ELL: variants seen among roughly 807,000 people sequenced by gnomAD.
ELL encodes the protein elongation factor for RNA polymerase II.
In ELL, 18 loss-of-function variants were observed where a neutral mutation model predicts 64.0. The ratio of observed to expected loss-of-function variants is 0.28; its 90% CI spans 0.19 to 0.42. The LOEUF (loss-of-function observed/expected upper bound fraction) is 0.42, where lower values mean the gene tolerates loss of function less well. Among genes scored for constraint, ELL ranks in the 10% least tolerant of loss-of-function variants. The pLI is 1.00. For missense variants in ELL, 797 were observed against 870.4 expected (o/e 0.92, Z 1.06); for synonymous variants, 399 against 376.2 (o/e 1.06, Z -0.70).
intron 1 of ELL, among the ~76,000 whole-genome samples, chr19:18,502,871 C>A (rs966184297): frequency 7.9e-5 from 12 of 152,234 alleles, no homozygotes; most frequent in African/African-American, 2.9e-4. Flanking sequence ...TCTTGGGAAA[C>A]CACGGGGCCA....
At chr19:18,500,390 G>T (rs542434347) in intron 1 of ELL, among the ~76,000 whole-genome samples, 18 of 152,286 alleles carry the variant, frequency 1.2e-4, no homozygotes, top group Admixed American at 9.2e-4. Context: ...CCACTGGGCT[G>T]TACCAAGTGC....
chr19:18,493,935 T>C (rs1158780710), intron 1 of ELL, among the ~76,000 whole-genome samples: 1 of 151,912 alleles, frequency 6.6e-6, no homozygotes, highest in Non-Finnish European at 1.5e-5. Context: ...GTAAAGTGAG[T>C]TCATGGCCTC....
chr19:18,507,332 G>A (rs1975902964), intron 1 of ELL, among the ~76,000 whole-genome samples: 2 of 152,252 alleles, frequency 1.3e-5, no homozygotes, highest in Admixed American at 1.3e-4. Flanking sequence ...AGTGAAAACA[G>A]GCCAAGTCTG....
chr19:18,517,447 C>T (rs768137589), intron 1 of ELL, among the ~76,000 whole-genome samples: 2 of 151,948 alleles, frequency 1.3e-5, no homozygotes, highest in Non-Finnish European at 2.9e-5. Context: ...GACAGGTTTT[C>T]ACCATATTGT....
chr19:18,457,458 C>T (rs533826730), intron 6 of ELL, among the ~76,000 whole-genome samples: 1 of 152,210 alleles, frequency 6.6e-6, no homozygotes, highest in African/African-American at 2.4e-5. Context: ...CAGGCACTAC[C>T]CTCTCAGGGG....
rs76784695 is a variant in ELL at position 18,500,556 on chromosome 19, G to A, written c.135+21365C>T. Among the ~76,000 whole-genome samples, 624 of 152,332 alleles carry A rather than the reference G, an allele frequency of 4.1e-3. 6 individuals carry two copies. Among genetic ancestry groups the A allele is most frequent in the African/African-American group, 0.014 (578 of 41,578 alleles). On this transcript the variant is annotated intron_variant, in intron 1 of 11. Transcript: ENST00000262809. ...AGTCCATTCTCACAAAAGGAGAGAC[G>A]GGAACTGGGAGGTTCCCTCAAGGAA...
intron 1 of ELL, among the ~76,000 whole-genome samples, chr19:18,477,268 C>T (rs1253093023): frequency 6.6e-6 from 1 of 152,104 alleles, no homozygotes; most frequent in African/African-American, 2.4e-5. Flanking sequence ...AAAAGGGCAG[C>T]GAACTTGAAG....
At chr19:18,447,054 G>A (rs904067768) in intron 8 of ELL, among the ~76,000 whole-genome samples, 2 of 152,210 alleles carry the variant, frequency 1.3e-5, no homozygotes, top group African/African-American at 2.4e-5. Context: ...GTGCACCTGC[G>A]TGTCCAGGGC....
chr19:18,497,815 C>CAAAAA (rs58521941), intron 1 of ELL, among the ~76,000 whole-genome samples: 6 of 54,212 alleles, frequency 1.1e-4, no homozygotes, highest in South Asian at 8.6e-4. Flanking sequence ...GATCTCATCT[C>CAAAAA]AAAAAAAAAA....
intron 5 of ELL, among the ~76,000 whole-genome samples, chr19:18,460,892 T>A (rs914329898): frequency 6.6e-6 from 1 of 152,172 alleles, no homozygotes; most frequent in Non-Finnish European, 1.5e-5. Context: ...GCCTGGCTAA[T>A]GTTCTGAAGC....
chr19:18,451,523 G>A, intron 7 of ELL, 29 bp downstream of exon 7: 5 of 1,457,586 alleles, frequency 3.4e-6, no homozygotes, highest in Non-Finnish European at 4.5e-6. Flanking sequence ...AGGTGCTTGG[G>A]ACAGTCACCC....
rs571695445 is a variant in ELL, at chr19:18,496,419, G to T, written c.136-23537C>A. Among the ~76,000 whole-genome samples the T allele has an allele frequency of 2.6e-5, 4 of 152,356 alleles. No homozygotes were observed. In the South Asian group the frequency reaches 8.3e-4, roughly 32 times the overall value. ...GACTCAGGAGACAGAGACCTGACCA[G>T]ACTCAGCCTCACACTGCACCCAGAG... is the stretch of plus-strand genomic sequence containing the variant. On this transcript the variant is annotated intron_variant, in intron 1 of 11. Coordinates refer to ENST00000262809, the MANE Select transcript of ELL (RefSeq NM_006532.4).
Position 18,456,763 on chromosome 19 carries a change from CAGCT to C in ELL, c.869+1438_869+1441del, listed in dbSNP as rs571222636. On this transcript the variant is annotated intron_variant, in intron 6 of 11. Coordinates refer to ENST00000262809, the MANE Select transcript of ELL (RefSeq NM_006532.4). Reference sequence around the variant, plus strand: ...CACCCCCCAAAGCCACATGTGGTGCCAGCTCAGCTGGGGAGGCTCCTGCAGTGAC... The same window carrying C: ...CACCCCCCAAAGCCACATGTGGTGCCCAGCTGGGGAGGCTCCTGCAGTGAC... Among the ~76,000 whole-genome samples the C allele has an allele frequency of 3.7e-3, 558 of 152,192 alleles. 5 individuals carry two copies. Among genetic ancestry groups the C allele is most frequent in the African/African-American group, 0.013 (531 of 41,530 alleles).
At chr19:18,465,718 C>T (rs879467832) in intron 3 of ELL, 79 bp downstream of exon 3, 140 of 1,451,050 alleles carry the variant, frequency 9.6e-5, no homozygotes, top group Non-Finnish European at 1.2e-4. Flanking sequence ...TTCAATGGGG[C>T]ACATCTCAAC....
chr19:18,466,388 T>A (rs1035857727), intron 2 of ELL, among the ~76,000 whole-genome samples: 4 of 152,138 alleles, frequency 2.6e-5, no homozygotes, highest in African/African-American at 9.7e-5. Flanking sequence ...GGCGACCCCC[T>A]CTCAGCATCC....
In ELL at chr19:18,446,409, T is replaced by G. The variant is rs777633235; in HGVS notation, c.1604A>C (p.Glu535Ala). Residue 535 changes from glutamate (E) to alanine (A), a missense_variant, in exon 10 of 12, where the codon GAG becomes GCG. Transcript: ENST00000262809. ...YKNDFNAEYS[E>A]YRDLHARIER... ...AATGCGGGCGTGCAGGTCGCGGTAC[T>G]CGCTGTACTCGGCATTGAAGTCGTT... 6.2e-7 allele frequency: 1 copy of G among 1,612,690 alleles called. No individual in the cohort carries two copies. Among genetic ancestry groups the G allele is most frequent in the Non-Finnish European group, 8.5e-7 (1 of 1,179,914 alleles).
At chr19:18,485,659 C>T (rs1975395869) in intron 1 of ELL, among the ~76,000 whole-genome samples, 1 of 152,132 alleles carries the variant, frequency 6.6e-6, no homozygotes, top group Non-Finnish European at 1.5e-5. Flanking sequence ...GTATCCCTTG[C>T]CCAAATTCGT....
intron 2 of ELL, among the ~76,000 whole-genome samples, chr19:18,469,701 T>C (rs910623345): frequency 6.6e-6 from 1 of 152,242 alleles, no homozygotes; most frequent in African/African-American, 2.4e-5. Flanking sequence ...GGGCTCATCC[T>C]AGGCGCTTCC....
At chr19:18,477,738 C>G (rs1975209112) in intron 1 of ELL, among the ~76,000 whole-genome samples, 1 of 152,318 alleles carries the variant, frequency 6.6e-6, no homozygotes, top group East Asian at 1.9e-4. Context: ...CTGGCCTGCA[C>G]TGTGAGGAAG....
Sources: gnomAD v4.1 joint callset for allele counts (sites outside exome capture counted in the v4.1 genomes callset) on GRCh38, gnomAD v4.1.1 for gene constraint, MANE v1.5 for transcripts, NCBI Gene and HGNC (gene_info 2026-07-23, HGNC 2026-07-21) for gene names.